The following PHKG2 variants were observed in gnomAD, a reference collection of about 807,000 sequenced individuals.
The protein encoded by PHKG2 is phosphorylase kinase catalytic subunit gamma 2, also known as phosphorylase b kinase gamma catalytic chain, liver/testis isoform.
A neutral mutation model predicts 44.5 loss-of-function variants in PHKG2; 28 were observed. The observed-to-expected ratio is 0.63, with a 90% CI of 0.47 to 0.86. PHKG2 has a LOEUF of 0.86. Ranked by LOEUF, PHKG2 falls within the 40% of genes least tolerant of loss-of-function variation. The probability of loss-of-function intolerance (pLI) is 0.00; values close to 1 mark genes in which losing one functional copy is unlikely to be tolerated. For synonymous variants in PHKG2, 220 were observed against 211.2 expected, an observed-to-expected ratio of 1.04 and a Z score of -0.36; for missense variants, 498 against 547.5, an observed-to-expected ratio of 0.91 and a Z score of 0.90.
At chr16:30,751,366 C>T (rs775599517) in intron 3 of PHKG2, 85 bp downstream of exon 3, 6 of 1,423,200 alleles carry the variant, frequency 4.2e-6, no homozygotes, top group Non-Finnish European at 5.9e-6. Flanking sequence ...GCCAACATTG[C>T]CTCCACACCT....
Position 30,759,762 on chromosome 16 carries a change from C to G in PHKG2, c.*2665C>G. 1.9e-6 allele frequency: 3 copies of G among 1,573,120 alleles called. No individual in the cohort carries two copies. Among genetic ancestry groups the G allele is most frequent in the Non-Finnish European group, 2.6e-6 (3 of 1,160,712 alleles). On this transcript the variant is annotated 3_prime_UTR_variant, in exon 10 of 10. Coordinates refer to ENST00000563588, the MANE Select transcript of PHKG2 (RefSeq NM_000294.3). Reference sequence around the variant, plus strand: ...GCAAGATGCAGCAGTGAGGCCCTCTCTGGTATCCATTCATTCACTTCACTC... The same window carrying G: ...GCAAGATGCAGCAGTGAGGCCCTCTGTGGTATCCATTCATTCACTTCACTC...
Position 30,760,813 on chromosome 16 carries a change from A to C in PHKG2, c.*3716A>C. On this transcript the variant is annotated 3_prime_UTR_variant, in exon 10 of 10. Transcript: ENST00000563588. The stretch of plus-strand genomic sequence containing the variant: ...TGCTGTGTGACTATGCAAATCGTTA[A>C]CTCTCTGGGCCTAAATGAACTCTTA... 1.4e-6 allele frequency: 1 copy of C among 724,382 alleles called. No homozygotes were observed. The highest frequency in any genetic ancestry group is 2.4e-6 in the Non-Finnish European group (1 of 414,336). The allele number at this position is 724,382 out of a possible 1,614,324, so 44.9% of individuals were successfully genotyped here. A position where few individuals can be genotyped will look rare whatever the true frequency, so the allele number is the denominator to read the frequency against.
intron 6 of PHKG2, 144 bp downstream of exon 6, chr16:30,753,701 A>G: frequency 1.3e-6 from 1 of 780,584 alleles, no homozygotes. Flanking sequence ...TGTGGGCGCA[A>G]AGCCTATGTT....
At chr16:30,751,816 G>A (rs781471133) in intron 4 of PHKG2, 5 of 620,750 alleles carry the variant, frequency 8.1e-6, no homozygotes, top group Non-Finnish European at 1.5e-5. Context: ...ACTAGTGGCT[G>A]GGTGCAGTGG....
Position 30,753,258 on chromosome 16 carries a change from A to G in PHKG2, c.353A>G (p.Tyr118Cys), listed in dbSNP as rs370423261. Residue 118 changes from tyrosine to cysteine, a missense_variant, in exon 5 of 10, where the codon TAT (tyrosine) becomes TGT (cysteine). Coordinates refer to ENST00000563588, the MANE Select transcript of PHKG2 (RefSeq NM_000294.3). ...ATGCGGAAGGGAGAGCTGTTTGACT[A>G]TCTCACAGAGAAGGTGGCCCTCTCT... is the stretch of plus-strand genomic sequence containing the variant. ...DLMRKGELFD[Y>C]LTEKVALSEK... 41 of 1,613,930 alleles carry G rather than the reference A, an allele frequency of 2.5e-5. No individual in the cohort carries two copies. Among genetic ancestry groups the G allele is most frequent in the African/African-American group, 1.5e-4 (11 of 74,894 alleles).
Position 30,758,959 on chromosome 16 carries a change from C to A in PHKG2, c.*1862C>A. The A allele has an allele frequency of 6.2e-7, 1 of 1,606,240 alleles. No homozygotes were observed. Among genetic ancestry groups the A allele is most frequent in the Admixed American group, 1.7e-5 (1 of 58,788 alleles). ...AAGTCCTGATGTCATCCAAACCCTTCATTCTACACCTGCTCAGAGGGACAG... is the reference window on the plus strand; with the variant it reads ...AAGTCCTGATGTCATCCAAACCCTTAATTCTACACCTGCTCAGAGGGACAG... On this transcript the variant is annotated 3_prime_UTR_variant, in exon 10 of 10. Coordinates refer to ENST00000563588, the MANE Select transcript of PHKG2 (RefSeq NM_000294.3).
chr16:30,759,263 G>C lies in PHKG2; in HGVS notation c.*2166G>C. ...CCAGCCGCACCTGGGAAGCAAGGCA[G>C]AGGGAGGCTGAAAGGAGTGCACCTG... On this transcript the variant is annotated 3_prime_UTR_variant, in exon 10 of 10. Transcript: ENST00000563588. The C allele has an allele frequency of 6.2e-7, 1 of 1,614,134 alleles. No homozygotes were observed. The highest frequency in any genetic ancestry group is 8.5e-7 in the Non-Finnish European group (1 of 1,179,980).
rs567910325 is a variant in PHKG2, at chr16:30,759,337, C to G, written c.*2240C>G. 12 of 1,613,314 alleles carry G rather than the reference C, an allele frequency of 7.4e-6. No homozygotes were observed. Among genetic ancestry groups the G allele is most frequent in the Middle Eastern group, 1.7e-4 (1 of 6,060 alleles). On this transcript the variant is annotated 3_prime_UTR_variant, in exon 10 of 10. Transcript: ENST00000563588. Reference sequence around the variant, plus strand: ...GGTGGCTCCTCATGGTCCACCACCCCCTACCTGGGGTGTGAAGACGTATTT... The same window carrying G: ...GGTGGCTCCTCATGGTCCACCACCCGCTACCTGGGGTGTGAAGACGTATTT...
At position 30,759,384 on chromosome 16, in the gene PHKG2, G is replaced by GT. The variant is rs751151606; in HGVS notation, c.*2288dup. On this transcript the variant is annotated 3_prime_UTR_variant, in exon 10 of 10. Coordinates refer to ENST00000563588, the MANE Select transcript of PHKG2 (RefSeq NM_000294.3). ...ATTTATAGAGCTTGAAGTGGCGGAAGTAAGTGTTGACCACGTAGTCTTCCA... is the reference window on the plus strand; with the variant it reads ...ATTTATAGAGCTTGAAGTGGCGGAAGTTAAGTGTTGACCACGTAGTCTTCCA... 10 of 1,614,112 alleles carry GT rather than the reference G, an allele frequency of 6.2e-6. No homozygotes were observed. In the East Asian group the frequency reaches 2.0e-4, roughly 32 times the overall value.
intron 2 of PHKG2, among the ~76,000 whole-genome samples, chr16:30,749,160 G>GTGC (rs2053306504): frequency 9.4e-6 from 1 of 106,776 alleles, no homozygotes; most frequent in Admixed American, 9.7e-5. Context: ...GGTGGTGCTG[G>GTGC]TGGTGGTGGT....
rs150382749 is a variant in PHKG2, at chr16:30,760,655, C to A, written c.*3558C>A. On this transcript the variant is annotated 3_prime_UTR_variant, in exon 10 of 10. Coordinates refer to ENST00000563588, the MANE Select transcript of PHKG2 (RefSeq NM_000294.3). ...TTCTCCAGCTGGTGCATGGAATGGA[C>A]GTCCAGGTACTTCCTGTTATAGTAA... The A allele has an allele frequency of 1.9e-6, 3 of 1,551,746 alleles. No individual in the cohort carries two copies. The highest frequency in any genetic ancestry group is 2.6e-6 in the Non-Finnish European group (3 of 1,147,898).
rs1596683517 is a variant in PHKG2, at chr16:30,753,669, A to G, written c.556+112A>G. On this transcript the variant is annotated intron_variant, in intron 6 of 9. Coordinates refer to ENST00000563588, the MANE Select transcript of PHKG2 (RefSeq NM_000294.3). Reference sequence around the variant, plus strand: ...TGGTGCCAAGAAAAAGGGAGAAGTCATTGGGCACTTGCCAAGTATCCTGTG... The same window carrying G: ...TGGTGCCAAGAAAAAGGGAGAAGTCGTTGGGCACTTGCCAAGTATCCTGTG... 4.7e-6 allele frequency: 5 copies of G among 1,060,666 alleles called. No individual in the cohort carries two copies. The East Asian group carries it at 9.6e-5, about 20-fold the overall frequency. 65.7% of individuals were successfully genotyped at this position (1,060,666 alleles called of 1,614,324 possible). A position where few individuals can be genotyped will look rare whatever the true frequency, so the allele number is the denominator to read the frequency against.
chr16:30,758,573 T>C lies in PHKG2; in HGVS notation c.*1476T>C. Reference sequence around the variant, plus strand: ...TTTTTGTTTGTTTGTTTGTTTGTTTTGAGACAGAGTCTTGCTCTGTTGCCC... The same window carrying C: ...TTTTTGTTTGTTTGTTTGTTTGTTTCGAGACAGAGTCTTGCTCTGTTGCCC... On this transcript the variant is annotated 3_prime_UTR_variant, in exon 10 of 10. Transcript: ENST00000563588. 1 of 209,624 alleles carries C rather than the reference T, an allele frequency of 4.8e-6. No homozygotes were observed. Among genetic ancestry groups the C allele is most frequent in the African/African-American group, 2.3e-5 (1 of 42,672 alleles). The allele number at this position is 209,624 out of a possible 1,614,324, so 13.0% of individuals were successfully genotyped here.
At chr16:30,749,112 G>GTGCTGCTGGTGCTGC (rs1435726492) in intron 2 of PHKG2, among the ~76,000 whole-genome samples, 197 bp downstream of exon 2, 1 of 44,788 alleles carries the variant, frequency 2.2e-5, no homozygotes, top group Admixed American at 2.8e-4. Context: ...GCTGCTGCTG[G>GTGCTGCTGGTGCTGC]TGGTGCTGGT....
intron 2 of PHKG2, among the ~76,000 whole-genome samples, chr16:30,749,534 G>A (rs2053317609): frequency 6.6e-6 from 1 of 151,708 alleles, no homozygotes; most frequent in Admixed American, 6.6e-5. Flanking sequence ...TAGTAGAGGC[G>A]GGCGTTTCAC....
intron 2 of PHKG2, 124 bp downstream of exon 2, chr16:30,749,039 G>C (rs1338542969): frequency 4.2e-6 from 1 of 238,490 alleles, no homozygotes; most frequent in Non-Finnish European, 7.6e-6. Context: ...TGGTGGTGGT[G>C]GTGGTGGTGG....
chr16:30,755,750 G>A (rs540712335), intron 6 of PHKG2, among the ~76,000 whole-genome samples: 1 of 152,228 alleles, frequency 6.6e-6, no homozygotes, highest in Non-Finnish European at 1.5e-5. Context: ...GATTATAGGA[G>A]GAGGAAGAGG....
Position 30,759,965 on chromosome 16 carries a change from A to C in PHKG2, c.*2868A>C. ...TACGAAGCTTATATTCTAGGGGAAT[A>C]AACCAAGAAATAGATCATTTCAGCT... On this transcript the variant is annotated 3_prime_UTR_variant, in exon 10 of 10. Transcript: ENST00000563588. 1 of 1,450,380 alleles carries C rather than the reference A, an allele frequency of 6.9e-7. No individual in the cohort carries two copies. Among genetic ancestry groups the C allele is most frequent in the African/African-American group, 1.4e-5 (1 of 70,232 alleles). 89.8% of individuals were successfully genotyped at this position (1,450,380 alleles called of 1,614,324 possible). A position where few individuals can be genotyped will look rare whatever the true frequency, so the allele number is the denominator to read the frequency against.
Position 30,760,063 on chromosome 16 carries a change from A to C in PHKG2, c.*2966A>C. ...TATTGTGCACTATGCATATATTTGC[A>C]TATATTATTTCTCAGAACAGTCCTG... On this transcript the variant is annotated 3_prime_UTR_variant, in exon 10 of 10. Transcript: ENST00000563588. The C allele has an allele frequency of 6.5e-7, 1 of 1,530,864 alleles. No individual in the cohort carries two copies. The highest frequency in any genetic ancestry group is 8.7e-7 in the Non-Finnish European group (1 of 1,144,376). The allele number at this position is 1,530,864 out of a possible 1,614,324, so 94.8% of individuals were successfully genotyped here. A position where few individuals can be genotyped will look rare whatever the true frequency, so the allele number is the denominator to read the frequency against.
Sources: allele counts gnomAD v4.1 joint callset (sites outside exome capture counted in the v4.1 genomes callset), GRCh38; gene constraint gnomAD v4.1.1; transcripts MANE v1.5; gene names NCBI Gene and HGNC (gene_info 2026-07-23, HGNC 2026-07-21).